Variants in PRKAR1B observed in about 807,000 individuals in gnomAD.
PRKAR1B encodes protein kinase cAMP-dependent type I regulatory subunit beta.
Under a neutral mutation model 46.5 loss-of-function variants are expected in PRKAR1B, and 22 were observed. The ratio of observed to expected loss-of-function variants is 0.47; its 90% CI spans 0.34 to 0.68. The LOEUF (loss-of-function observed/expected upper bound fraction) is 0.68. Among genes scored for constraint, PRKAR1B ranks in the 30% least tolerant of loss-of-function variants. The pLI is 0.01. For synonymous variants in PRKAR1B, 259 were observed against 217.7 expected (o/e 1.19, Z -1.67); for missense variants, 445 against 535.6 (o/e 0.83, Z 1.67).
chr7:720,050 CTTTTTTTTTTTT>C (rs34254216), intron 1 of PRKAR1B, among the ~76,000 whole-genome samples: 2 of 93,138 alleles, frequency 2.1e-5, no homozygotes, highest in African/African-American at 4.1e-5. Flanking sequence ...CTGTGCAAGT[CTTTTTTTTTTTT>C]TTTTTTTTTT....
At chr7:558,948 G>C (rs1331771908) in intron 9 of PRKAR1B, among the ~76,000 whole-genome samples, 2 of 152,152 alleles carry the variant, frequency 1.3e-5, no homozygotes, top group African/African-American at 4.8e-5. Context: ...TTTGGGTCCA[G>C]TGCTCCAGGG....
At chr7:661,239 C>G (rs2128495132) in intron 4 of PRKAR1B, among the ~76,000 whole-genome samples, 1 of 96,540 alleles carries the variant, frequency 1.0e-5, no homozygotes, top group Non-Finnish European at 2.1e-5. Flanking sequence ...CCCAACGGGT[C>G]CAAATACCTA....
chr7:700,833 G>A (rs78253979), intron 2 of PRKAR1B, among the ~76,000 whole-genome samples: 1,675 of 152,266 alleles, frequency 0.011, 23 homozygotes, highest in East Asian at 0.1. Context: ...TTTGCAGAAT[G>A]GATATGACAG....
intron 4 of PRKAR1B, among the ~76,000 whole-genome samples, chr7:647,506 C>G (rs1784676927): frequency 6.6e-6 from 1 of 152,082 alleles, no homozygotes; most frequent in Admixed American, 6.6e-5. Flanking sequence ...AAAGAGTTTT[C>G]TTAAAACACG....
rs1784066508 is a variant in PRKAR1B, at chr7:636,243, GCCGCGCCCTC to G, written c.441-28801_441-28792del. Among the ~76,000 whole-genome samples, 6 of 8,812 alleles carry G rather than the reference GCCGCGCCCTC, an allele frequency of 6.8e-4. 1 individual carries two copies. Among genetic ancestry groups the G allele is most frequent in the Non-Finnish European group, 6.4e-4 (3 of 4,724 alleles). 5.8% of individuals were successfully genotyped at this position (8,812 alleles called of 152,430 possible). ...GGCCGCGCCCACACGTCCTCCACCGGCCGCGCCCTCACGTCCTCCACCGGCCGCGCCCTCA... is the reference window on the plus strand; with the variant it reads ...GGCCGCGCCCACACGTCCTCCACCGGACGTCCTCCACCGGCCGCGCCCTCA... On this transcript the variant is annotated intron_variant, in intron 4 of 10. Transcript: ENST00000537384.
intron 9 of PRKAR1B, among the ~76,000 whole-genome samples, chr7:562,821 C>A (rs1218932899): frequency 1.3e-5 from 2 of 152,212 alleles, no homozygotes; most frequent in African/African-American, 4.8e-5. Flanking sequence ...ACCATGACTC[C>A]CTCCACCATG....
chr7:709,267 C>G (rs906484166), intron 2 of PRKAR1B, among the ~76,000 whole-genome samples: 11 of 151,252 alleles, frequency 7.3e-5, no homozygotes, highest in African/African-American at 7.3e-5. Flanking sequence ...CGAATTGCAT[C>G]TATAACGTGA....
intron 6 of PRKAR1B, among the ~76,000 whole-genome samples, chr7:596,946 C>G (rs1013591215): frequency 6.6e-6 from 1 of 152,268 alleles, no homozygotes; most frequent in Non-Finnish European, 1.5e-5. Context: ...GCGCTGCGGC[C>G]GAGCTGCGCC....
intron 7 of PRKAR1B, among the ~76,000 whole-genome samples, chr7:586,681 T>G (rs931134739): frequency 1.3e-5 from 2 of 152,186 alleles, no homozygotes; most frequent in Non-Finnish European, 2.9e-5. Context: ...TGAGGGGAAT[T>G]TGTTACACAG....
intron 9 of PRKAR1B, among the ~76,000 whole-genome samples, chr7:568,117 T>C (rs1166288990): frequency 1.3e-5 from 2 of 152,240 alleles, no homozygotes; most frequent in South Asian, 2.1e-4. Flanking sequence ...ACTCCACCTA[T>C]GGCCTCAGCT....
At chr7:638,013 G>T (rs10272685) in intron 4 of PRKAR1B, among the ~76,000 whole-genome samples, 17,332 of 152,112 alleles carry the variant, frequency 0.11, 1,099 homozygotes, top group South Asian at 0.27. Context: ...ATGGTGCCCC[G>T]TGTTCTCATC....
At chr7:635,610 G>A (rs961763094) in intron 4 of PRKAR1B, among the ~76,000 whole-genome samples, 8 of 152,146 alleles carry the variant, frequency 5.3e-5, no homozygotes, top group East Asian at 1.9e-4. Flanking sequence ...GGACTCCTCC[G>A]CTGCCTCCCA....
chr7:628,258 C>T (rs1462933802), intron 4 of PRKAR1B, among the ~76,000 whole-genome samples: 2 of 152,250 alleles, frequency 1.3e-5, no homozygotes, highest in Non-Finnish European at 2.9e-5. Context: ...AGGCTGGACC[C>T]AGCCTAGAGC....
chr7:693,986 C>A (rs767058800), intron 2 of PRKAR1B, among the ~76,000 whole-genome samples: 1 of 152,158 alleles, frequency 6.6e-6, no homozygotes, highest in Non-Finnish European at 1.5e-5. Flanking sequence ...TTTGCGATAA[C>A]CGCGAGACCT....
chr7:658,916 G>T (rs1785350927), intron 4 of PRKAR1B, among the ~76,000 whole-genome samples: 1 of 152,186 alleles, frequency 6.6e-6, no homozygotes, highest in Non-Finnish European at 1.5e-5. Flanking sequence ...CTCCCAAAAT[G>T]CTGGGGTTAT....
chr7:673,068 A>AAAC (rs1786365679), intron 4 of PRKAR1B, among the ~76,000 whole-genome samples: 2 of 142,606 alleles, frequency 1.4e-5, no homozygotes, highest in Non-Finnish European at 3.0e-5. Flanking sequence ...AAAAAAAAAA[A>AAAC]AAAAAAAAAA....
chr7:606,068 A>T, intron 6 of PRKAR1B, 125 bp downstream of exon 6: 2 of 861,218 alleles, frequency 2.3e-6, no homozygotes, highest in Non-Finnish European at 3.8e-6. Flanking sequence ...TTTCTGGATT[A>T]AAACACTAGG....
chr7:688,661 C>T (rs1779237213), intron 2 of PRKAR1B, among the ~76,000 whole-genome samples: 1 of 152,148 alleles, frequency 6.6e-6, no homozygotes, highest in Non-Finnish European at 1.5e-5. Context: ...CCTTCCCTCC[C>T]CAAGTCTCCA....
intron 4 of PRKAR1B, among the ~76,000 whole-genome samples, chr7:625,346 A>G (rs534431694): frequency 1.3e-5 from 2 of 152,384 alleles, no homozygotes; most frequent in East Asian, 3.9e-4. Flanking sequence ...CATCTTGGGA[A>G]ACTACAACAA....
Sources: gnomAD v4.1 joint callset for allele counts (sites outside exome capture counted in the v4.1 genomes callset) on GRCh38, gnomAD v4.1.1 for gene constraint, MANE v1.5 for transcripts, NCBI Gene and HGNC (gene_info 2026-07-23, HGNC 2026-07-21) for gene names.